The following RORA variants were observed in gnomAD, a reference collection of about 807,000 sequenced individuals.
The protein encoded by RORA is RAR related orphan receptor A.
A neutral mutation model predicts 69.5 loss-of-function variants in RORA; 7 were observed. The observed-to-expected ratio is 0.10, with a 90% CI of 0.06 to 0.19. RORA has a LOEUF of 0.19. Ranked by LOEUF, RORA falls within the 10% of genes least tolerant of loss-of-function variation. The pLI, the probability that RORA is intolerant of heterozygous loss-of-function variation, is 1.00. For synonymous variants in RORA, 261 were observed against 240.8 expected (o/e 1.08, Z -0.78); for missense variants, 457 against 663.0 (o/e 0.69, Z 3.41).
intron 1 of RORA, among the ~76,000 whole-genome samples, chr15:61,029,792 A>G (rs1896047610): frequency 6.6e-6 from 1 of 152,174 alleles, no homozygotes; most frequent in Non-Finnish European, 1.5e-5. Context: ...TCAGAGGGAG[A>G]CAATGAGTCT....
intron 1 of RORA, among the ~76,000 whole-genome samples, chr15:60,896,735 T>A (rs1226972469): frequency 4.3e-5 from 2 of 46,820 alleles, no homozygotes; most frequent in African/African-American, 1.2e-4. Flanking sequence ...AATTTAGCTT[T>A]TTTTTTTTTT....
In RORA at chr15:60,505,649, T is replaced by C. The variant is rs199594244; in HGVS notation, c.821-20A>G. 9.9e-6 allele frequency: 16 copies of C among 1,610,310 alleles called. No homozygotes were observed. Among genetic ancestry groups the C allele is most frequent in the Non-Finnish European group, 1.3e-5 (15 of 1,178,126 alleles). On this transcript the variant is annotated intron_variant, in intron 5 of 10. Coordinates refer to ENST00000335670, the MANE Select transcript of RORA (RefSeq NM_134261.3). ...GGTGTTCTAAGGAGAAAACGGGAGATCACAAACACGAAAAGCGAAGTTCTT... is the reference window on the plus strand; with the variant it reads ...GGTGTTCTAAGGAGAAAACGGGAGACCACAAACACGAAAAGCGAAGTTCTT...
chr15:60,923,343 G>A (rs1440720479), intron 1 of RORA, among the ~76,000 whole-genome samples: 1 of 152,196 alleles, frequency 6.6e-6, no homozygotes, highest in African/African-American at 2.4e-5. Flanking sequence ...CGAACAAAGG[G>A]CCTTCATTTT....
At chr15:60,727,272 G>A (rs555049664) in intron 1 of RORA, among the ~76,000 whole-genome samples, 1 of 152,210 alleles carries the variant, frequency 6.6e-6, no homozygotes, top group Admixed American at 6.5e-5. Context: ...TTGCTTCCCT[G>A]TGCTCGTTTT....
In RORA at chr15:60,977,593, A is replaced by G. The variant is rs539276993; in HGVS notation, c.166+251460T>C. Among the ~76,000 whole-genome samples the G allele has an allele frequency of 1.2e-4, 19 of 152,266 alleles. 4 individuals carry two copies. Among genetic ancestry groups the G allele is most frequent in the African/African-American group, 4.6e-4 (19 of 41,560 alleles). The stretch of plus-strand genomic sequence containing the variant: ...GAACATGACCCCAAAAAGAAACCCC[A>G]TAGCTGTTAGCAGACAATCCAATTC... On this transcript the variant is annotated intron_variant, in intron 1 of 10. Transcript: ENST00000335670.
chr15:60,695,066 A>T (rs997010304), intron 1 of RORA, among the ~76,000 whole-genome samples: 6 of 152,124 alleles, frequency 3.9e-5, no homozygotes, highest in African/African-American at 1.4e-4. Context: ...ACAGGGAAAC[A>T]ACGGCAGACA....
intron 1 of RORA, among the ~76,000 whole-genome samples, chr15:60,970,522 C>G (rs1183546345): frequency 3.3e-5 from 5 of 152,220 alleles, no homozygotes; most frequent in African/African-American, 1.2e-4. Flanking sequence ...ATGCTCCCCA[C>G]TGCTGGCCTT....
intron 1 of RORA, among the ~76,000 whole-genome samples, chr15:61,043,956 A>G (rs1418413815): frequency 6.6e-6 from 1 of 152,144 alleles, no homozygotes. Flanking sequence ...TGGTTCCCAG[A>G]GCAAAGCTGT....
chr15:60,727,084 C>A (rs531026575), intron 1 of RORA, among the ~76,000 whole-genome samples: 32 of 152,286 alleles, frequency 2.1e-4, no homozygotes, highest in Middle Eastern at 6.8e-3. Context: ...CCAGCAAGCC[C>A]AGGGATTACA....
intron 1 of RORA, among the ~76,000 whole-genome samples, chr15:61,034,012 T>C (rs1195991811): frequency 6.6e-6 from 1 of 152,238 alleles, no homozygotes; most frequent in East Asian, 1.9e-4. Context: ...ATTTCACCTA[T>C]TTATTTTTAT....
At chr15:60,550,621 T>C (rs1220873175) in intron 2 of RORA, among the ~76,000 whole-genome samples, 4 of 152,122 alleles carry the variant, frequency 2.6e-5, no homozygotes, top group Non-Finnish European at 5.9e-5. Flanking sequence ...TGGAAAAAAA[T>C]TAATGTTTTT....
intron 1 of RORA, among the ~76,000 whole-genome samples, chr15:60,895,202 G>A (rs141376278): frequency 1.3e-5 from 2 of 152,148 alleles, no homozygotes; most frequent in Non-Finnish European, 2.9e-5. Context: ...CTTGATACCC[G>A]GAGGCAAGAA....
At chr15:60,632,399 G>A (rs1306407818) in intron 2 of RORA, among the ~76,000 whole-genome samples, 1 of 152,070 alleles carries the variant, frequency 6.6e-6, no homozygotes, top group Non-Finnish European at 1.5e-5. Context: ...GAGCCACTGC[G>A]CCCGGCCTCA....
Position 60,496,420 on chromosome 15 carries a change from C to T in RORA, c.*1035G>A, listed in dbSNP as rs898024568. The T allele has an allele frequency of 3.3e-5, 5 of 152,024 alleles. No individual in the cohort carries two copies. The highest frequency in any genetic ancestry group is 5.9e-5 in the Non-Finnish European group (4 of 68,026). The allele number at this position is 152,024 out of a possible 1,614,324, so 9.4% of individuals were successfully genotyped here. On this transcript the variant is annotated 3_prime_UTR_variant, in exon 11 of 11. Coordinates refer to ENST00000335670, the MANE Select transcript of RORA (RefSeq NM_134261.3). This position sits in a 1 kb window ranked among gnomAD's most constrained non-coding sequence, Gnocchi z 4.5. ...TTGTGTAAAATGAGCTTCTCCTCCC[C>T]CTCGCCTCCATGAGGTGGCATTTTA...
intron 1 of RORA, among the ~76,000 whole-genome samples, chr15:60,819,792 CACG>C (rs1466605646): frequency 7.0e-6 from 1 of 142,798 alleles, no homozygotes; most frequent in African/African-American, 2.5e-5. Context: ...CACACACACA[CACG>C]GGTTGCTTTT....
intron 1 of RORA, among the ~76,000 whole-genome samples, chr15:60,742,718 G>A (rs2071590709): frequency 6.6e-6 from 1 of 152,128 alleles, no homozygotes; most frequent in African/African-American, 2.4e-5. Context: ...ATATAAGTGA[G>A]ATCATGTAGT....
intron 1 of RORA, among the ~76,000 whole-genome samples, chr15:61,217,297 G>A (rs1038041825): frequency 3.9e-5 from 6 of 152,184 alleles, no homozygotes; most frequent in African/African-American, 1.4e-4. Context: ...AAGAGGCCTG[G>A]CAGAGGAAGA....
intron 1 of RORA, among the ~76,000 whole-genome samples, chr15:61,087,074 G>A (rs939686225): frequency 3.3e-5 from 5 of 152,176 alleles, no homozygotes; most frequent in African/African-American, 7.2e-5. Context: ...AAGAGGCTGA[G>A]GTGGGAGGCT....
chr15:60,864,607 A>G (rs2073466471), intron 1 of RORA, among the ~76,000 whole-genome samples: 1 of 152,098 alleles, frequency 6.6e-6, no homozygotes, highest in Admixed American at 6.5e-5. Flanking sequence ...AGTTGAAGAG[A>G]AACGGAAATG....
Sources: gnomAD v4.1 joint callset for allele counts (sites outside exome capture counted in the v4.1 genomes callset) on GRCh38, gnomAD v4.1.1 for gene constraint, Gnocchi (gnomAD v3.1) non-coding constraint, MANE v1.5 for transcripts, NCBI Gene and HGNC (gene_info 2026-07-23, HGNC 2026-07-21) for gene names.